The following ATRN variants were observed in gnomAD, a reference collection of about 807,000 sequenced individuals.
The protein encoded by ATRN is attractin-2.
Under a neutral mutation model 178.7 loss-of-function variants are expected in ATRN, and 54 were observed. The observed-to-expected ratio is 0.30, with a 90% confidence interval of 0.24 to 0.38. The LOEUF is 0.38. ATRN is among the 10% of genes least tolerant of loss of function. The probability of loss-of-function intolerance (pLI) is 1.00; values close to 1 mark genes in which losing one functional copy is unlikely to be tolerated. For synonymous variants in ATRN, 636 were observed against 663.0 expected, an observed-to-expected ratio of 0.96 and a Z score of 0.63; for missense variants, 1,443 against 1,815.1, an observed-to-expected ratio of 0.79 and a Z score of 3.73.
At position 3,568,095 on chromosome 20, in the gene ATRN, C is replaced by T. The variant is rs192738566; in HGVS notation, c.1871+2663C>T. ...CACGAGGTCAGGAGATCAAGACTAT[C>T]CTGGCTAACACTGTGAAACTCCATC... On this transcript the variant is annotated intron_variant, in intron 11 of 28. Transcript: ENST00000262919. 2.8e-3 allele frequency among the ~76,000 whole-genome samples: 420 copies of T among 149,666 alleles called. 2 individuals carry two copies. The highest frequency in any genetic ancestry group is 4.0e-3 in the Non-Finnish European group (267 of 67,338).
At chr20:3,619,199 C>G (rs6037636) in intron 24 of ATRN, among the ~76,000 whole-genome samples, 1,922 of 152,318 alleles carry the variant, frequency 0.013, 43 homozygotes, top group African/African-American at 0.044. Flanking sequence ...CTCTTCCTCT[C>G]CCTGTCTTGT....
rs550194143 is a variant in ATRN at position 3,490,748 on chromosome 20, T to G, written c.410+19231T>G. ...GGTGCTTCTGGTGGAATTCCTTTAT[T>G]TACTCGAGTCTATTATAGAATTCAG... On this transcript the variant is annotated intron_variant, in intron 1 of 28. Coordinates refer to ENST00000262919, the MANE Select transcript of ATRN (RefSeq NM_139321.3). 1.9e-4 allele frequency: 149 copies of G among 791,836 alleles called. No individual in the cohort carries two copies. The East Asian group carries it at 3.4e-3, about 18-fold the overall frequency. The allele number at this position is 791,836 out of a possible 1,614,324, so 49.1% of individuals were successfully genotyped here. A position where few individuals can be genotyped will look rare whatever the true frequency, so the allele number is the denominator to read the frequency against.
At chr20:3,500,731 A>G (rs1480400555) in intron 1 of ATRN, among the ~76,000 whole-genome samples, 2 of 150,820 alleles carry the variant, frequency 1.3e-5, no homozygotes, top group Non-Finnish European at 3.0e-5. Context: ...GACATACCTA[A>G]TGCTAGATGA....
rs954042785 is a variant in ATRN, at chr20:3,648,582, C to T, written c.*1735C>T. On this transcript the variant is annotated 3_prime_UTR_variant, in exon 29 of 29. Transcript: ENST00000262919. ...AGTGCCTAGAGAGAGAGTATTGTCT[C>T]TTCCCCAACACTAACCCCACTCCCA... is the stretch of plus-strand genomic sequence containing the variant. 1.3e-5 allele frequency: 2 copies of T among 152,370 alleles called. No individual in the cohort carries two copies. Among genetic ancestry groups the T allele is most frequent in the Non-Finnish European group, 2.9e-5 (2 of 68,038 alleles). The allele number at this position is 152,370 out of a possible 1,614,324, so 9.4% of individuals were successfully genotyped here.
chr20:3,556,705 TTGTACTTTTTTGTA>T (rs2085881718), intron 6 of ATRN, among the ~76,000 whole-genome samples: 1 of 152,250 alleles, frequency 6.6e-6, no homozygotes, highest in South Asian at 2.1e-4. Context: ...TGCATTTATC[TTGTACTTTTTTGTA>T]CGAGATACTT....
At position 3,559,472 on chromosome 20, in the gene ATRN, G is replaced by A; in HGVS notation, c.1192G>A (p.Ala398Thr). Residue 398 changes from alanine (A) to threonine (T), a missense_variant, in exon 7 of 29, where the codon GCA becomes ACA. By Grantham distance (58) the Ala-to-Thr change is moderately conservative. Transcript: ENST00000262919. ...GGTTGTTAGATATGGTCATTCTTTG[G>A]CATTATACAAGGTAAAGCATCTCCA... ...NVVVRYGHSLALYKDKIYMYG... is the reference protein window; with the variant it reads ...NVVVRYGHSLTLYKDKIYMYG... 1.2e-6 allele frequency: 2 copies of A among 1,613,234 alleles called. No individual in the cohort carries two copies.
At chr20:3,603,337 G>T (rs79829468) in intron 23 of ATRN, among the ~76,000 whole-genome samples, 2,071 of 152,214 alleles carry the variant, frequency 0.014, 43 homozygotes, top group African/African-American at 0.048. Context: ...AAATGCAAAG[G>T]AATTGAAGTG....
intron 1 of ATRN, among the ~76,000 whole-genome samples, chr20:3,515,919 G>A (rs996802419): frequency 1.3e-5 from 2 of 152,134 alleles, no homozygotes; most frequent in Admixed American, 6.5e-5. Flanking sequence ...GGCATAGTAC[G>A]TGCATTTAGT....
At chr20:3,590,451 G>A (rs2086425209) in intron 18 of ATRN, among the ~76,000 whole-genome samples, 1 of 152,208 alleles carries the variant, frequency 6.6e-6, no homozygotes, top group East Asian at 1.9e-4. Flanking sequence ...GTTCTGCAGT[G>A]CACAGCCTGT....
At chr20:3,507,372 G>T (rs887254794) in intron 1 of ATRN, among the ~76,000 whole-genome samples, 4 of 149,378 alleles carry the variant, frequency 2.7e-5, no homozygotes, top group Admixed American at 6.7e-5. Flanking sequence ...TCGCGCCACT[G>T]CACTCCAGCC....
intron 18 of ATRN, among the ~76,000 whole-genome samples, chr20:3,588,223 T>G (rs2086385532): frequency 6.6e-6 from 1 of 152,238 alleles, no homozygotes; most frequent in Non-Finnish European, 1.5e-5. Context: ...TTACTTTCTT[T>G]TGGCATTGTT....
chr20:3,591,112 C>T, intron 18 of ATRN, 57 bp from the exon 19 acceptor site: 4 of 1,465,904 alleles, frequency 2.7e-6, no homozygotes, highest in Non-Finnish European at 3.7e-6. Flanking sequence ...TCTTATTGAA[C>T]TTAACTACAT....
intron 25 of ATRN, among the ~76,000 whole-genome samples, chr20:3,625,924 A>T (rs1436345846): frequency 3.9e-5 from 6 of 152,184 alleles, no homozygotes; most frequent in Non-Finnish European, 7.4e-5. Flanking sequence ...TATTTATTTT[A>T]TCCTACAATT....
chr20:3,508,289 T>C (rs1303010536), intron 1 of ATRN, among the ~76,000 whole-genome samples: 2 of 151,750 alleles, frequency 1.3e-5, no homozygotes, highest in African/African-American at 4.8e-5. Flanking sequence ...ATGACAGTTT[T>C]AAAGTGCAGA....
intron 18 of ATRN, among the ~76,000 whole-genome samples, chr20:3,585,457 A>G (rs932210219): frequency 3.9e-5 from 6 of 152,242 alleles, no homozygotes; most frequent in African/African-American, 1.4e-4. Flanking sequence ...AGAAAAGGAA[A>G]TAGAACAGGA....
intron 22 of ATRN, 96 bp downstream of exon 22, chr20:3,598,096 C>T (rs1325379910): frequency 6.5e-6 from 5 of 765,992 alleles, no homozygotes; most frequent in African/African-American, 1.7e-5. Flanking sequence ...CAGTGCTCTC[C>T]AGACTGGAGT....
intron 25 of ATRN, chr20:3,629,243 A>T (rs764700977): frequency 1.0e-6 from 1 of 985,276 alleles, no homozygotes; most frequent in Admixed American, 6.1e-5. Context: ...AAGATCATGT[A>T]TCTAGCCCCT....
At chr20:3,546,498 TCTC>T (rs2146200442) in intron 4 of ATRN, among the ~76,000 whole-genome samples, 1 of 150,780 alleles carries the variant, frequency 6.6e-6, no homozygotes, top group South Asian at 2.1e-4. Flanking sequence ...TTCAAGCAAT[TCTC>T]CTGCCTCAGC....
chr20:3,510,717 T>A (rs141711101), intron 1 of ATRN, among the ~76,000 whole-genome samples: 41 of 152,326 alleles, frequency 2.7e-4, no homozygotes, highest in African/African-American at 8.7e-4. Context: ...CTGATTTTTT[T>A]AATGTTGATT....
Sources: allele counts gnomAD v4.1 joint callset (sites outside exome capture counted in the v4.1 genomes callset), GRCh38; gene constraint gnomAD v4.1.1; transcripts MANE v1.5; gene names NCBI Gene and HGNC (gene_info 2026-07-23, HGNC 2026-07-21).